The following MMD2 variants were observed in gnomAD, a reference collection of about 807,000 sequenced individuals.
The protein encoded by MMD2 is monocyte to macrophage differentiation factor 2.
In MMD2, 30 loss-of-function variants were observed where a neutral mutation model predicts 33.5. The observed-to-expected ratio is 0.90, with a 90% CI of 0.67 to 1.22. MMD2 has a LOEUF of 1.22. MMD2 is among the 50% of genes most tolerant of loss of function. The pLI, the probability that MMD2 is intolerant of heterozygous loss-of-function variation, is 0.00. For synonymous variants in MMD2, 129 were observed against 123.0 expected, an observed-to-expected ratio of 1.05 and a Z score of -0.32; for missense variants, 364 against 325.4, an observed-to-expected ratio of 1.12 and a Z score of -0.91.
intron 1 of MMD2, among the ~76,000 whole-genome samples, chr7:4,953,762 C>T (rs897668116): frequency 6.6e-6 from 1 of 152,210 alleles, no homozygotes; most frequent in African/African-American, 2.4e-5. Flanking sequence ...TGAGCCACCG[C>T]ACCCAGCCTC....
Position 4,922,996 on chromosome 7 carries a change from A to C in MMD2, c.129+2455T>G, listed in dbSNP as rs184371649. Among the ~76,000 whole-genome samples the C allele has an allele frequency of 6.4e-4, 98 of 152,302 alleles. 1 individual carries two copies. Among genetic ancestry groups the C allele is most frequent in the Admixed American group, 4.2e-3 (64 of 15,284 alleles). On this transcript the variant is annotated intron_variant, in intron 2 of 6. Transcript: ENST00000401401. ...CTTCCTGGAGCCTGCTGGACTATGA[A>C]TATGCCTTGTGTTTATAGCATCAGT...
Position 4,911,129 on chromosome 7 carries a change from C to G in MMD2, c.467+16G>C, listed in dbSNP as rs760383974. 5.1e-6 allele frequency: 8 copies of G among 1,562,410 alleles called. No homozygotes were observed. Among genetic ancestry groups the G allele is most frequent in the Non-Finnish European group, 6.1e-6 (7 of 1,153,184 alleles). On this transcript the variant is annotated intron_variant, in intron 5 of 6. Transcript: ENST00000401401. Reference sequence around the variant, plus strand: ...AAGGGAATCCCGCCTCCCTGAAGCCCCCAGGCCTGGCTTACCGCTCATGGA... The same window carrying G: ...AAGGGAATCCCGCCTCCCTGAAGCCGCCAGGCCTGGCTTACCGCTCATGGA...
At position 4,909,895 on chromosome 7, in the gene MMD2, C is replaced by A; in HGVS notation, c.523G>T (p.Val175Phe). ...GCAGCACTTACCATGGAGAGGATGACCAGGGCGGGGAAGAAGCCCATTACG... is the reference window on the plus strand; with the variant it reads ...GCAGCACTTACCATGGAGAGGATGAACAGGGCGGGGAAGAAGCCCATTACG... ...YVVMGFFPAL[V>F]ILSMPNTEGI... is the part of the protein sequence containing the mutation. Residue 175 changes from valine (V) to phenylalanine (F), a missense_variant, in exon 6 of 7, where the codon GTC (valine) becomes TTC (phenylalanine). Coordinates refer to ENST00000401401, the MANE Select transcript of MMD2 (RefSeq NM_198403.4). The A allele has an allele frequency of 6.2e-7, 1 of 1,613,366 alleles. No individual in the cohort carries two copies. Among genetic ancestry groups the A allele is most frequent in the Admixed American group, 1.7e-5 (1 of 59,888 alleles).
intron 1 of MMD2, among the ~76,000 whole-genome samples, chr7:4,930,511 G>T (rs1409210830): frequency 6.6e-6 from 1 of 151,806 alleles, no homozygotes; most frequent in Non-Finnish European, 1.5e-5. Flanking sequence ...AGGCGTAGTG[G>T]TGGGCGACTG....
At chr7:4,934,465 G>A (rs1368677304) in intron 1 of MMD2, among the ~76,000 whole-genome samples, 1 of 152,218 alleles carries the variant, frequency 6.6e-6, no homozygotes, top group Non-Finnish European at 1.5e-5. Context: ...AACAGAGGTG[G>A]CAGTCAGAGA....
intron 6 of MMD2, 109 bp from the exon 7 acceptor site, chr7:4,907,708 CA>C (rs1475808270): frequency 6.1e-6 from 6 of 987,896 alleles, no homozygotes; most frequent in Non-Finnish European, 9.3e-6. Flanking sequence ...GATGGCAAAC[CA>C]GCCCAGACTC....
chr7:4,903,558 G>A (rs924192226), downstream of MMD2, among the ~76,000 whole-genome samples: 2 of 152,232 alleles, frequency 1.3e-5, no homozygotes, highest in African/African-American at 2.4e-5. Context: ...TGGCCGGGAG[G>A]CTGTCGACCC....
chr7:4,932,900 C>T (rs1054669306), intron 1 of MMD2, among the ~76,000 whole-genome samples: 1 of 151,606 alleles, frequency 6.6e-6, no homozygotes, highest in Non-Finnish European at 1.5e-5. Flanking sequence ...ACTGGGATTA[C>T]AGGCGTGAGC....
At chr7:4,900,321 CAAG>C in the MMD2 span, among the ~76,000 whole-genome samples, 1 of 152,000 alleles carries the variant, frequency 6.6e-6, no homozygotes, top group Non-Finnish European at 1.5e-5. Flanking sequence ...GAGCAAAATA[CAAG>C]AAGAGGGATG....
chr7:4,893,252 A>G, the MMD2 span, among the ~76,000 whole-genome samples: 1 of 152,050 alleles, frequency 6.6e-6, no homozygotes, highest in Non-Finnish European at 1.5e-5. Flanking sequence ...ATTCAGGGAG[A>G]GCCCACAGAG....
chr7:4,921,123 C>CAA (rs1785272748), intron 2 of MMD2, among the ~76,000 whole-genome samples: 1 of 152,148 alleles, frequency 6.6e-6, no homozygotes, highest in Non-Finnish European at 1.5e-5. Context: ...ATGAAATGGT[C>CAA]AAAGACCACG....
chr7:4,897,532 C>T, the MMD2 span, among the ~76,000 whole-genome samples: 1 of 152,068 alleles, frequency 6.6e-6, no homozygotes, highest in Non-Finnish European at 1.5e-5. Context: ...TTCCTCCCAC[C>T]CCAGAGAAAG....
downstream of MMD2, among the ~76,000 whole-genome samples, chr7:4,904,034 G>A (rs976089490): frequency 1.5e-4 from 23 of 152,164 alleles, no homozygotes; most frequent in African/African-American, 5.3e-4. Flanking sequence ...CCGAGTTCAA[G>A]CGATTCTCCT....
chr7:4,900,077 G>A, the MMD2 span, among the ~76,000 whole-genome samples: 3 of 152,068 alleles, frequency 2.0e-5, no homozygotes, highest in East Asian at 1.9e-4. Context: ...CGAGGTGGGC[G>A]GATCACTTGA....
intron 5 of MMD2, among the ~76,000 whole-genome samples, 194 bp downstream of exon 5, chr7:4,910,951 C>T (rs1041347957): frequency 7.2e-5 from 11 of 152,118 alleles, no homozygotes; most frequent in Admixed American, 6.6e-4. Flanking sequence ...CCTATGATGT[C>T]TTTTTGACAA....
At chr7:4,914,792 A>G (rs1293145291) in intron 4 of MMD2, among the ~76,000 whole-genome samples, 6 of 152,056 alleles carry the variant, frequency 3.9e-5, no homozygotes, top group Non-Finnish European at 8.8e-5. Flanking sequence ...TTAGCAGGGT[A>G]TGGTGGCATG....
downstream of MMD2, among the ~76,000 whole-genome samples, chr7:4,902,232 G>A (rs973026304): frequency 5.9e-5 from 9 of 152,160 alleles, no homozygotes; most frequent in African/African-American, 1.7e-4. Context: ...GATTACAGGC[G>A]AGAGCCACCA....
At chr7:4,957,869 G>GA (rs1211528589) in intron 1 of MMD2, among the ~76,000 whole-genome samples, 1 of 152,164 alleles carries the variant, frequency 6.6e-6, no homozygotes, top group East Asian at 1.9e-4. Flanking sequence ...CCCTACCCTG[G>GA]ACACCATCCT....
In MMD2 at chr7:4,915,339, G is replaced by C. The variant is rs147052351; in HGVS notation, c.365+666C>G. Among the ~76,000 whole-genome samples, 542 of 151,600 alleles carry C rather than the reference G, an allele frequency of 3.6e-3. 3 individuals carry two copies. The highest frequency in any genetic ancestry group is 0.012 in the African/African-American group (492 of 41,368). The stretch of plus-strand genomic sequence containing the variant: ...AAATATTAAGTAAATATAAATATAA[G>C]TATATATGTATGTATATGCATGTGT... On this transcript the variant is annotated intron_variant, in intron 4 of 6. Transcript: ENST00000401401.
Sources: gnomAD v4.1 joint callset for allele counts (sites outside exome capture counted in the v4.1 genomes callset) on GRCh38, gnomAD v4.1.1 for gene constraint, MANE v1.5 for transcripts, NCBI Gene and HGNC (gene_info 2026-07-23, HGNC 2026-07-21) for gene names.